The following OR2G6 variants were observed in gnomAD, a reference collection of about 807,000 sequenced individuals.
The protein encoded by OR2G6 is olfactory receptor 2G6.
For missense variants in OR2G6, 457 were observed against 391.3 expected (o/e 1.17, Z -1.42); for synonymous variants, 183 against 155.2 (o/e 1.18, Z -1.33).
intron 1 of OR2G6, among the ~76,000 whole-genome samples, chr1:248,520,301 T>G (rs555527304): frequency 2.0e-4 from 30 of 152,176 alleles, no homozygotes; most frequent in Non-Finnish European, 4.0e-4. Context: ...GAAGGAGGGA[T>G]AGCATTAGGA....
At position 248,523,682 on chromosome 1, in the gene OR2G6, ATCTC is replaced by A. The variant is rs200344260; in HGVS notation, c.*1089_*1092del. On this transcript the variant is annotated 3_prime_UTR_variant, in exon 2 of 2. Coordinates refer to ENST00000641804, the MANE Select transcript of OR2G6 (RefSeq NM_001013355.2). ...TACTTTCTGATTTAATTCTGTCTCT[ATCTC>A]TCTGTGTATCTTTGTGTGTCTCAGC... The A allele has an allele frequency of 3.3e-5, 5 of 151,422 alleles. No individual in the cohort carries two copies. The highest frequency in any genetic ancestry group is 4.4e-5 in the Non-Finnish European group (3 of 67,982). 9.4% of individuals were successfully genotyped at this position (151,422 alleles called of 1,614,324 possible). A position where few individuals can be genotyped will look rare whatever the true frequency, so the allele number is the denominator to read the frequency against.
rs201086651 is a variant in OR2G6, at chr1:248,524,970, TTAC to T, written c.*2378_*2380del. The T allele has an allele frequency of 6.0e-3, 908 of 152,294 alleles. 11 individuals are homozygous for T. Among genetic ancestry groups the T allele is most frequent in the African/African-American group, 0.021 (861 of 41,574 alleles). 9.4% of individuals were successfully genotyped at this position (152,294 alleles called of 1,614,324 possible). A position where few individuals can be genotyped will look rare whatever the true frequency, so the allele number is the denominator to read the frequency against. ...GAACACATTTGAAAATAAAATCCTG[TTAC>T]TACTTTCTTGAATTTAGAGCTTTCC... On this transcript the variant is annotated 3_prime_UTR_variant, in exon 2 of 2. Coordinates refer to ENST00000641804, the MANE Select transcript of OR2G6 (RefSeq NM_001013355.2).
chr1:248,522,537 G>GA lies in OR2G6; in HGVS notation c.894dup (p.Gly299ArgfsTer10), dbSNP rs1664314473. On this transcript the variant is annotated frameshift_variant, in exon 2 of 2. Coordinates refer to ENST00000641804, the MANE Select transcript of OR2G6 (RefSeq NM_001013355.2). LOFTEE classifies it low-confidence loss of function (END_TRUNC). ...TCTACACTCTGAGAAACAAAGATGTGAAAGGGGCCTTGAGGACCCTGATAC... is the reference window on the plus strand; with the variant it reads ...TCTACACTCTGAGAAACAAAGATGTGAAAAGGGGCCTTGAGGACCCTGATAC... 1 of 1,613,970 alleles carries GA rather than the reference G, an allele frequency of 6.2e-7. No homozygotes were observed. The highest frequency in any genetic ancestry group is 8.5e-7 in the Non-Finnish European group (1 of 1,180,006).
In OR2G6 at chr1:248,525,227, T is replaced by C. The variant is rs1032123295; in HGVS notation, c.*2630T>C. 2 of 152,158 alleles carry C rather than the reference T, an allele frequency of 1.3e-5. No individual in the cohort carries two copies. Among genetic ancestry groups the C allele is most frequent in the Non-Finnish European group, 2.9e-5 (2 of 68,034 alleles). The allele number at this position is 152,158 out of a possible 1,614,324, so 9.4% of individuals were successfully genotyped here. A position where few individuals can be genotyped will look rare whatever the true frequency, so the allele number is the denominator to read the frequency against. ...ATAATTATGTACTTATAATGTATTTTATAAATACAATTAGTAAATCTAAAA... is the reference window on the plus strand; with the variant it reads ...ATAATTATGTACTTATAATGTATTTCATAAATACAATTAGTAAATCTAAAA... On this transcript the variant is annotated 3_prime_UTR_variant, in exon 2 of 2. Transcript: ENST00000641804.
rs1376957171 is a variant in OR2G6, at chr1:248,521,803, T to G, written c.157T>G (p.Ser53Ala). ...CCTCATACTAGTATGTTGTCTGGAC[T>G]CCAGACTCCACACTCCAATGTACTT... The part of the protein sequence containing the change: ...TALILVCCLD[S>A]RLHTPMYFFL... Residue 53 changes from serine (S) to alanine (A), a missense_variant, in exon 2 of 2, where the codon TCC becomes GCC. Coordinates refer to ENST00000641804, the MANE Select transcript of OR2G6 (RefSeq NM_001013355.2). The G allele has an allele frequency of 6.2e-7, 1 of 1,614,024 alleles. No individual in the cohort carries two copies. The highest frequency in any genetic ancestry group is 8.5e-7 in the Non-Finnish European group (1 of 1,180,018).
rs1406350229 is a variant in OR2G6 at position 248,523,711 on chromosome 1, CCT to C, written c.*1117_*1118del. 6.6e-6 allele frequency: 1 copy of C among 152,086 alleles called. No individual in the cohort carries two copies. Among genetic ancestry groups the C allele is most frequent in the African/African-American group, 2.4e-5 (1 of 41,416 alleles). The allele number at this position is 152,086 out of a possible 1,614,324, so 9.4% of individuals were successfully genotyped here. A position where few individuals can be genotyped will look rare whatever the true frequency, so the allele number is the denominator to read the frequency against. On this transcript the variant is annotated 3_prime_UTR_variant, in exon 2 of 2. Coordinates refer to ENST00000641804, the MANE Select transcript of OR2G6 (RefSeq NM_001013355.2). ...CTCTGTGTATCTTTGTGTGTCTCAG[CCT>C]CTTTCTTGCTTTCTTTTCCCAAAAC...
Position 248,521,984 on chromosome 1 carries a change from T to G in OR2G6, c.338T>G (p.Ile113Ser). ...ATGGGGTTGGGCTCGTCTGAGTGTA[T>G]TCTCTTGGCCGTCATGGCTTATGAC... ...VAMGLGSSEC[I>S]LLAVMAYDRY... Residue 113 changes from isoleucine (I) to serine (S), a missense_variant, in exon 2 of 2, where the codon ATT becomes AGT. Physicochemically the swap from Ile to Ser is moderately radical, Grantham distance 142. Coordinates refer to ENST00000641804, the MANE Select transcript of OR2G6 (RefSeq NM_001013355.2). 1 of 1,614,170 alleles carries G rather than the reference T, an allele frequency of 6.2e-7. No individual in the cohort carries two copies. The highest frequency in any genetic ancestry group is 8.5e-7 in the Non-Finnish European group (1 of 1,180,024).
rs904441204 is a variant in OR2G6 at position 248,525,325 on chromosome 1, G to GAA, written c.*2734_*2735dup. ...AACACGTTTTCAAAGGATGCGCCAA[G>GAA]AAAAAAACTATCACTTAGTTAAATG... On this transcript the variant is annotated 3_prime_UTR_variant, in exon 2 of 2. Transcript: ENST00000641804. 3 of 151,806 alleles carry GAA rather than the reference G, an allele frequency of 2.0e-5. No individual in the cohort carries two copies. Among genetic ancestry groups the GAA allele is most frequent in the African/African-American group, 7.3e-5 (3 of 41,360 alleles). 9.4% of individuals were successfully genotyped at this position (151,806 alleles called of 1,614,324 possible).
chr1:248,520,869 TAAAA>T (rs1664269529), intron 1 of OR2G6, among the ~76,000 whole-genome samples: 1 of 109,502 alleles, frequency 9.1e-6, no homozygotes, highest in African/African-American at 4.8e-5. Context: ...TATATATATA[TAAAA>T]ATATATATAT....
At position 248,522,618 on chromosome 1, in the gene OR2G6, C is replaced by G. The variant is rs771306291; in HGVS notation, c.*21C>G. 2.6e-6 allele frequency: 4 copies of G among 1,515,494 alleles called. No individual in the cohort carries two copies. The highest frequency in any genetic ancestry group is 1.2e-5 in the South Asian group (1 of 83,906). 93.9% of individuals were successfully genotyped at this position (1,515,494 alleles called of 1,614,324 possible). On this transcript the variant is annotated 3_prime_UTR_variant, in exon 2 of 2. Transcript: ENST00000641804. The stretch of plus-strand genomic sequence containing the variant: ...ACTAGGAAACACCTGGAATTCTAAA[C>G]AAGGGAAACACCTCAAGGCAGAGTG...
rs1659098617 is a variant in OR2G6 at position 248,526,395 on chromosome 1, A to C, written c.*3798A>C. Reference sequence around the variant, plus strand: ...TCTTCAATAAATGTCCTGGAACAGTAATCAGCAGCTGGGGCTGGTACCATA... The same window carrying C: ...TCTTCAATAAATGTCCTGGAACAGTCATCAGCAGCTGGGGCTGGTACCATA... On this transcript the variant is annotated 3_prime_UTR_variant, in exon 2 of 2. Coordinates refer to ENST00000641804, the MANE Select transcript of OR2G6 (RefSeq NM_001013355.2). The C allele has an allele frequency of 6.6e-6, 1 of 152,198 alleles. No individual in the cohort carries two copies. Among genetic ancestry groups the C allele is most frequent in the South Asian group, 2.1e-4 (1 of 4,826 alleles). 9.4% of individuals were successfully genotyped at this position (152,198 alleles called of 1,614,324 possible).
chr1:248,522,711 T>G lies in OR2G6; in HGVS notation c.*114T>G. On this transcript the variant is annotated 3_prime_UTR_variant, in exon 2 of 2. Coordinates refer to ENST00000641804, the MANE Select transcript of OR2G6 (RefSeq NM_001013355.2). ...CCACAGGGACTAGGAAGCATTGGAA[T>G]TCTAAAGAAGGGAAACACCTCAAGG... The G allele has an allele frequency of 1.4e-6, 1 of 693,128 alleles. No homozygotes were observed. The highest frequency in any genetic ancestry group is 2.0e-5 in the South Asian group (1 of 50,420). The allele number at this position is 693,128 out of a possible 1,614,324, so 42.9% of individuals were successfully genotyped here.
At position 248,522,751 on chromosome 1, in the gene OR2G6, A is replaced by T; in HGVS notation, c.*154A>T. The T allele has an allele frequency of 1.7e-6, 1 of 600,302 alleles. No individual in the cohort carries two copies. The highest frequency in any genetic ancestry group is 2.1e-5 in the South Asian group (1 of 46,512). 37.2% of individuals were successfully genotyped at this position (600,302 alleles called of 1,614,324 possible). On this transcript the variant is annotated 3_prime_UTR_variant, in exon 2 of 2. Coordinates refer to ENST00000641804, the MANE Select transcript of OR2G6 (RefSeq NM_001013355.2). ...ACACCTCAAGGCAGCGTGAGGATTC[A>T]TCCTCCCCAGACATTCCTCTTGTCA...
chr1:248,520,893 A>C (rs868205334), intron 1 of OR2G6, among the ~76,000 whole-genome samples: 1 of 136,736 alleles, frequency 7.3e-6, no homozygotes, highest in Non-Finnish European at 1.6e-5. Flanking sequence ...TATACACACA[A>C]AAATTAGCGG....
chr1:248,520,627 C>G (rs971607485), intron 1 of OR2G6, among the ~76,000 whole-genome samples: 5 of 152,058 alleles, frequency 3.3e-5, no homozygotes, highest in African/African-American at 1.2e-4. Flanking sequence ...AACCCCAGCA[C>G]TTTGGGAGGC....
chr1:248,519,863 TGAA>T (rs759343315), intron 1 of OR2G6, among the ~76,000 whole-genome samples: 60 of 152,338 alleles, frequency 3.9e-4, no homozygotes, highest in Non-Finnish European at 7.2e-4. Flanking sequence ...TCTAATTCTG[TGAA>T]GAAGGTCAAG....
intron 1 of OR2G6, among the ~76,000 whole-genome samples, chr1:248,519,693 A>C (rs189065157): frequency 6.6e-6 from 1 of 151,900 alleles, no homozygotes; most frequent in South Asian, 2.1e-4. Flanking sequence ...TGGTCTATAT[A>C]TCTGTTTTGG....
intron 1 of OR2G6, among the ~76,000 whole-genome samples, chr1:248,520,648 G>A (rs1284665490): frequency 6.6e-6 from 1 of 151,858 alleles, no homozygotes; most frequent in Non-Finnish European, 1.5e-5. Flanking sequence ...TGAGTCAGGT[G>A]GATCACTTGA....
chr1:248,509,291 C>CA (rs370626150), intron 1 of OR2G6, among the ~76,000 whole-genome samples: 29 of 2,592 alleles, frequency 0.011, 1 homozygote, highest in Non-Finnish European at 0.015. Context: ...AAAACCTGTT[C>CA]ATTGCTGAGT....
Sources: allele counts gnomAD v4.1 joint callset (sites outside exome capture counted in the v4.1 genomes callset), GRCh38; gene constraint gnomAD v4.1.1; transcripts MANE v1.5; gene names NCBI Gene and HGNC (gene_info 2026-07-23, HGNC 2026-07-21).